The following MEG3 variants were observed in gnomAD, a reference collection of about 807,000 sequenced individuals.
The protein encoded by MEG3 is Very putative protein from MEG3 locus.
At chr14:100,858,497 C>G (rs1266236708) in exon 1 of MEG3, 4 of 152,712 alleles carry the variant, frequency 2.6e-5, no homozygotes, top group African/African-American at 9.6e-5. Flanking sequence ...CTCCCCACTC[C>G]CCACTCACGG....
chr14:100,839,850 G>A (rs1308567864), intron 2 of MEG3, among the ~76,000 whole-genome samples: 6 of 152,240 alleles, frequency 3.9e-5, no homozygotes, highest in African/African-American at 1.4e-4. Context: ...GAGCTCTGCG[G>A]TGCCTGAGAG....
chr14:100,857,168 C>A (rs947529470), upstream of MEG3: 1 of 152,164 alleles, frequency 6.6e-6, no homozygotes, highest in African/African-American at 2.4e-5. Flanking sequence ...CGTTTGTATG[C>A]CACGTTTGAA....
downstream of MEG3, chr14:100,829,297 C>T (rs1301723241): frequency 6.6e-6 from 1 of 152,234 alleles, no homozygotes; most frequent in Non-Finnish European, 1.5e-5. Flanking sequence ...GGAGTGTTTC[C>T]CTCCCCAAGG....
At chr14:100,849,579 C>G (rs1032951208) in intron 3 of MEG3, 1 of 151,808 alleles carries the variant, frequency 6.6e-6, no homozygotes, top group Non-Finnish European at 1.5e-5. Flanking sequence ...AAAGATAGAG[C>G]TAAGGAAAGG....
chr14:100,853,693 T>C (rs1001328536), upstream of MEG3: 4 of 152,204 alleles, frequency 2.6e-5, no homozygotes, highest in African/African-American at 9.7e-5. Flanking sequence ...TGAGTGGCTA[T>C]GGCATCATTC....
intron 3 of MEG3, chr14:100,846,855 A>G (rs1421037757): frequency 6.6e-6 from 1 of 152,222 alleles, no homozygotes; most frequent in African/African-American, 2.4e-5. Context: ...CTGACATTTG[A>G]CAATGAAAAA....
At chr14:100,844,511 G>A (rs1274213576) in intron 2 of MEG3, among the ~76,000 whole-genome samples, 4 of 152,098 alleles carry the variant, frequency 2.6e-5, no homozygotes, top group African/African-American at 9.7e-5. Flanking sequence ...CAGAAACATT[G>A]GTGGGAAAGT....
intron 2 of MEG3, among the ~76,000 whole-genome samples, chr14:100,839,176 T>C (rs1329651082): frequency 6.6e-6 from 1 of 151,764 alleles, no homozygotes; most frequent in Non-Finnish European, 1.5e-5. Flanking sequence ...CAGAAGGGGG[T>C]GTGGAGGGAG....
Position 100,845,025 on chromosome 14 carries a change from C to T in MEG3, n.3046-433C>T, listed in dbSNP as rs770203312. Among the ~76,000 whole-genome samples the T allele has an allele frequency of 5.0e-4, 76 of 152,260 alleles. No individual in the cohort carries two copies. The highest frequency in any genetic ancestry group is 5.3e-4 in the Non-Finnish European group (36 of 68,012). On this transcript the variant is annotated intron_variant and non_coding_transcript_variant, in intron 2 of 3. Transcript: ENST00000398461. This position sits in a 1 kb window ranked among gnomAD's most constrained non-coding sequence, Gnocchi z 5.2. Reference sequence around the variant, plus strand: ...AGCCCTGCAGCCCTCTGTGGGCTGCCCTCCCGGCCACACCCCGCTTCCCTG... The same window carrying T: ...AGCCCTGCAGCCCTCTGTGGGCTGCTCTCCCGGCCACACCCCGCTTCCCTG...
intron 2 of MEG3, among the ~76,000 whole-genome samples, chr14:100,840,425 G>A (rs995762449): frequency 3.3e-5 from 5 of 152,322 alleles, no homozygotes; most frequent in Admixed American, 1.3e-4. Context: ...AGCCACCTGG[G>A]GATAATTGGG....
chr14:100,845,221 C>T lies in MEG3; in HGVS notation n.3046-237C>T, dbSNP rs1241508208. Among the ~76,000 whole-genome samples, 2 of 152,220 alleles carry T rather than the reference C, an allele frequency of 1.3e-5. No individual in the cohort carries two copies. The highest frequency in any genetic ancestry group is 4.8e-5 in the African/African-American group (2 of 41,454). Reference sequence around the variant, plus strand: ...GACTTCGCTCCGTGAACAGCACCAACCCAAGTCTGTTCCATGTCTCCACAC... The same window carrying T: ...GACTTCGCTCCGTGAACAGCACCAATCCAAGTCTGTTCCATGTCTCCACAC... On this transcript the variant is annotated intron_variant and non_coding_transcript_variant, in intron 2 of 3. Coordinates refer to the MEG3 transcript ENST00000398461. This position sits in a 1 kb window ranked among gnomAD's most constrained non-coding sequence, Gnocchi z 5.2.
At chr14:100,836,558 T>A (rs2037588351) in intron 2 of MEG3, among the ~76,000 whole-genome samples, 1 of 151,564 alleles carries the variant, frequency 6.6e-6, no homozygotes, top group Non-Finnish European at 1.5e-5. Context: ...GTGGGGAGTG[T>A]CCACCTCCAC....
At chr14:100,859,979 G>T (rs913995576) in exon 1 of MEG3, 1 of 152,492 alleles carries the variant, frequency 6.6e-6, no homozygotes, top group Admixed American at 6.5e-5. Context: ...GCCTGGCACG[G>T]TTATTGTGGG....
upstream of MEG3, chr14:100,857,064 CAA>C (rs1388484415): frequency 2.0e-5 from 3 of 152,154 alleles, no homozygotes; most frequent in Non-Finnish European, 2.9e-5. Flanking sequence ...AAATTGTAAC[CAA>C]TGACAAGCCT....
intron 3 of MEG3, chr14:100,852,105 A>G (rs914976064): frequency 6.1e-6 from 2 of 329,660 alleles, no homozygotes; most frequent in South Asian, 2.3e-5. Context: ...GGGTGGGGCC[A>G]GGCCATCTGG....
At chr14:100,836,125 C>T (rs770464063) in intron 1 of MEG3, 16 of 421,326 alleles carry the variant, frequency 3.8e-5, no homozygotes, top group South Asian at 8.5e-5. Flanking sequence ...TTTTCCGGGG[C>T]GCTTGCCTTG....
rs1566732012 is a variant in MEG3 at position 100,845,431 on chromosome 14, CTG to C, written n.3046-24_3046-23del. On this transcript the variant is annotated intron_variant and non_coding_transcript_variant, in intron 2 of 3. Coordinates refer to the MEG3 transcript ENST00000398461. This position sits in a 1 kb window ranked among gnomAD's most constrained non-coding sequence, Gnocchi z 5.2. ...TCGCCGGCCTGAGTGAGGTTCTACT[CTG>C]TGACCTAGTGCCTTCTTGTTACAGC... The C allele has an allele frequency of 2.2e-6, 1 of 455,914 alleles. No homozygotes were observed. The highest frequency in any genetic ancestry group is 2.4e-5 in the Admixed American group (1 of 42,504). 28.2% of individuals were successfully genotyped at this position (455,914 alleles called of 1,614,324 possible).
At chr14:100,827,643 G>A (rs899542756) in intron 1 of MEG3, 3 of 152,506 alleles carry the variant, frequency 2.0e-5, no homozygotes, top group South Asian at 4.1e-4. Flanking sequence ...CATCGTGCGG[G>A]GGCTAGAAAT....
In MEG3 at chr14:100,860,555, A is replaced by G. The variant is rs1285574238; in HGVS notation, n.3113-194A>G. ...TGGCTGGGTGCTCCCCTCACCCTCC[A>G]TGCTGCTAGGAGCCCGTGAGCAGGG... On this transcript the variant is annotated intron_variant and non_coding_transcript_variant, in intron 1 of 1. Transcript: ENST00000398460. 6.5e-5 allele frequency: 28 copies of G among 430,866 alleles called. No homozygotes were observed. The Admixed American group carries it at 6.6e-4, about 10-fold the overall frequency. 26.7% of individuals were successfully genotyped at this position (430,866 alleles called of 1,614,324 possible).
Sources: allele counts gnomAD v4.1 joint callset (sites outside exome capture counted in the v4.1 genomes callset), GRCh38; gene constraint gnomAD v4.1.1; non-coding constraint Gnocchi (gnomAD v3.1); transcripts MANE v1.5; gene names NCBI Gene and HGNC (gene_info 2026-07-23, HGNC 2026-07-21).